The following SCAI variants were observed in gnomAD, a reference collection of about 807,000 sequenced individuals.
SCAI encodes protein SCAI.
SCAI carries 24 observed loss-of-function variants against 92.2 expected under a neutral mutation model. The ratio of observed to expected loss-of-function variants is 0.26; its 90% CI spans 0.19 to 0.37. The LOEUF (loss-of-function observed/expected upper bound fraction) is 0.37, where lower values mean the gene tolerates loss of function less well. Ranked by LOEUF, SCAI falls within the 10% of genes least tolerant of loss-of-function variation. The probability of loss-of-function intolerance (pLI) is 1.00; values close to 1 mark genes in which losing one functional copy is unlikely to be tolerated. For missense variants in SCAI, 450 were observed against 736.2 expected (o/e 0.61, Z 4.50); for synonymous variants, 261 against 258.6 (o/e 1.01, Z -0.09).
At chr9:124,987,002 G>A (rs1241394237) in intron 14 of SCAI, among the ~76,000 whole-genome samples, 4 of 151,998 alleles carry the variant, frequency 2.6e-5, no homozygotes, top group African/African-American at 4.8e-5. Flanking sequence ...TCTTCCAGGG[G>A]AAAAAAGAAA....
chr9:125,131,327 G>A (rs1177958686), intron 2 of SCAI, among the ~76,000 whole-genome samples: 1 of 150,152 alleles, frequency 6.7e-6, no homozygotes, highest in Non-Finnish European at 1.5e-5. Context: ...AGAATCGCTG[G>A]AACCCGGGAG....
chr9:125,060,908 C>G (rs938928338), intron 2 of SCAI, among the ~76,000 whole-genome samples: 3 of 152,148 alleles, frequency 2.0e-5, no homozygotes, highest in African/African-American at 7.2e-5. Context: ...TGTTCCTATT[C>G]AAGTATTTCA....
In SCAI at chr9:125,099,836, G is replaced by A. The variant is rs532631192; in HGVS notation, c.98+42797C>T. 1.6e-4 allele frequency among the ~76,000 whole-genome samples: 25 copies of A among 152,238 alleles called. No individual in the cohort carries two copies. The South Asian group carries it at 2.9e-3, about 18-fold the overall frequency. On this transcript the variant is annotated intron_variant, in intron 2 of 17. Coordinates refer to ENST00000336505, the MANE Select transcript of SCAI (RefSeq NM_001144877.3). The stretch of plus-strand genomic sequence containing the variant: ...TTTCATTCAGCATAGTGTCTTCAAC[G>A]TTCATCCATGTTGTAGCATGTGTCA...
At chr9:125,042,636 C>CGTGTGTGTGTGTGT (rs1564390396) in intron 3 of SCAI, among the ~76,000 whole-genome samples, 8 of 61,940 alleles carry the variant, frequency 1.3e-4, no homozygotes, top group East Asian at 4.6e-4. Context: ...TGTGTGTGTA[C>CGTGTGTGTGTGTGT]ACACACACAC....
chr9:125,055,887 G>A lies in SCAI; in HGVS notation c.219C>T (p.Phe73=). 1 of 1,611,112 alleles carries A rather than the reference G, an allele frequency of 6.2e-7. No individual in the cohort carries two copies. Among genetic ancestry groups the A allele is most frequent in the Non-Finnish European group, 8.5e-7 (1 of 1,178,968 alleles). The change falls in exon 3 of 18, where the codon TTC becomes TTT. Residue 73 remains phenylalanine, a synonymous_variant. Transcript: ENST00000336505. ...AAGAGTCCACTCACCTTAACCCATTGAACAGTTGCTTAGATTTATCCAGAA... is the reference window on the plus strand; with the variant it reads ...AAGAGTCCACTCACCTTAACCCATTAAACAGTTGCTTAGATTTATCCAGAA... The part of the protein sequence containing the change: ...CYLLDKSKQL[F]NGLRDLPQYG...
rs1376468622 is a variant in SCAI, at chr9:125,091,042, G to A, written c.99-35035C>T. 3.9e-5 allele frequency among the ~76,000 whole-genome samples: 6 copies of A among 152,132 alleles called. No homozygotes were observed. The highest frequency in any genetic ancestry group is 1.9e-4 in the East Asian group (1 of 5,188). ...CTGAGGCAGGAGAATAGGTGAACCC[G>A]GGAGGCGGAGCTTGCAGTGAGCTGA... On this transcript the variant is annotated intron_variant, in intron 2 of 17. Transcript: ENST00000336505. The surrounding 1 kb of genome is among the most constrained non-coding windows in gnomAD (Gnocchi z 4.3).
At chr9:124,994,412 A>T (rs1440763649) in intron 14 of SCAI, among the ~76,000 whole-genome samples, 1 of 152,232 alleles carries the variant, frequency 6.6e-6, no homozygotes, top group Non-Finnish European at 1.5e-5. Flanking sequence ...TGTTCAAGTT[A>T]GATCCCTGTC....
intron 2 of SCAI, among the ~76,000 whole-genome samples, chr9:125,056,491 A>G (rs1833670384): frequency 6.6e-6 from 1 of 152,084 alleles, no homozygotes; most frequent in Non-Finnish European, 1.5e-5. Flanking sequence ...AAGAAAGAAA[A>G]TAGATCATCT....
intron 14 of SCAI, among the ~76,000 whole-genome samples, chr9:124,977,697 A>T (rs538999924): frequency 1.4e-4 from 21 of 152,248 alleles, no homozygotes; most frequent in South Asian, 4.1e-4. Context: ...AAACAAAACA[A>T]AACATAACAG....
At chr9:125,007,795 C>T (rs189724090) in intron 9 of SCAI, among the ~76,000 whole-genome samples, 12 of 151,906 alleles carry the variant, frequency 7.9e-5, no homozygotes, top group Admixed American at 1.3e-4. Flanking sequence ...GCAGCTGGGA[C>T]TAGAGGCACA....
At chr9:125,093,858 C>T (rs1336960150) in intron 2 of SCAI, among the ~76,000 whole-genome samples, 1 of 151,704 alleles carries the variant, frequency 6.6e-6, no homozygotes, top group Non-Finnish European at 1.5e-5. Flanking sequence ...GCCACCGTGC[C>T]CGGCCGACAC....
chr9:125,062,142 T>G (rs1833780171), intron 2 of SCAI, among the ~76,000 whole-genome samples: 1 of 151,926 alleles, frequency 6.6e-6, no homozygotes. Flanking sequence ...TTTTTTTTTT[T>G]GGAGACAGGG....
At chr9:125,031,044 C>A (rs1431415918) in intron 3 of SCAI, among the ~76,000 whole-genome samples, 1 of 143,498 alleles carries the variant, frequency 7.0e-6, no homozygotes, top group Non-Finnish European at 1.5e-5. Flanking sequence ...TGGAGATGGC[C>A]CCAAGTACCT....
chr9:125,101,679 G>T (rs1221806181), intron 2 of SCAI, among the ~76,000 whole-genome samples: 2 of 152,154 alleles, frequency 1.3e-5, no homozygotes, highest in African/African-American at 2.4e-5. Flanking sequence ...AGTCAATTTA[G>T]TACCACAAAA....
intron 17 of SCAI, chr9:124,968,730 C>T (rs111393956): frequency 9.7e-5 from 133 of 1,374,318 alleles, no homozygotes; most frequent in African/African-American, 8.8e-4. Flanking sequence ...TTTGACATTC[C>T]GAATCTGGTT....
At chr9:125,089,442 A>G (rs1834384821) in intron 2 of SCAI, among the ~76,000 whole-genome samples, 1 of 152,206 alleles carries the variant, frequency 6.6e-6, no homozygotes, top group East Asian at 1.9e-4. Context: ...AACATGCCCC[A>G]AAGCAGAATA....
chr9:125,075,863 C>A (rs991857408), intron 2 of SCAI, among the ~76,000 whole-genome samples: 1 of 151,992 alleles, frequency 6.6e-6, no homozygotes, highest in Non-Finnish European at 1.5e-5. Context: ...CCACGCCTGG[C>A]CTTGTTGTAT....
rs189698194 is a variant in SCAI, at chr9:125,072,223, C to T, written c.99-16216G>A. 6.2e-4 allele frequency among the ~76,000 whole-genome samples: 94 copies of T among 152,226 alleles called. No individual in the cohort carries two copies. In the East Asian group the frequency reaches 0.01, roughly 17 times the overall value. ...ATTTATAGTAGAGACGGGGTTTCAC[C>T]ATGTTGGCCAGGATGGTCTCGATCT... On this transcript the variant is annotated intron_variant, in intron 2 of 17. Transcript: ENST00000336505.
chr9:125,086,751 C>T (rs1488351190), intron 2 of SCAI, among the ~76,000 whole-genome samples: 2 of 152,160 alleles, frequency 1.3e-5, no homozygotes, highest in Non-Finnish European at 2.9e-5. Context: ...TGGTGTCAAA[C>T]AGCCTGCACT....
Sources: gnomAD v4.1 joint callset for allele counts (sites outside exome capture counted in the v4.1 genomes callset) on GRCh38, gnomAD v4.1.1 for gene constraint, Gnocchi (gnomAD v3.1) non-coding constraint, MANE v1.5 for transcripts, NCBI Gene and HGNC (gene_info 2026-07-23, HGNC 2026-07-21) for gene names.